The following GAS7 variants were observed in gnomAD, a reference collection of about 807,000 sequenced individuals.
GAS7 encodes the protein growth arrest specific 7, also known as growth arrest-specific protein 7.
A neutral mutation model predicts 71.1 loss-of-function variants in GAS7; 28 were observed. The observed-to-expected ratio is 0.39, with a 90% CI of 0.29 to 0.54. The LOEUF is 0.54. GAS7 is among the 20% of genes least tolerant of loss of function. The probability of loss-of-function intolerance (pLI) is 0.62; values close to 1 mark genes in which losing one functional copy is unlikely to be tolerated. For synonymous variants in GAS7, 258 were observed against 245.8 expected, an observed-to-expected ratio of 1.05 and a Z score of -0.46; for missense variants, 436 against 627.8, an observed-to-expected ratio of 0.69 and a Z score of 3.27.
chr17:10,103,551 C>T lies in GAS7; in HGVS notation c.184-83654G>A, dbSNP rs2073727286. Among the ~76,000 whole-genome samples, 1 of 152,024 alleles carries T rather than the reference C, an allele frequency of 6.6e-6. No individual in the cohort carries two copies. ...GAAAGATAGGAACAACCCGGCCAGG[C>T]GCGATGGCTCCCACCTGTAATCCCA... On this transcript the variant is annotated intron_variant, in intron 1 of 13. Coordinates refer to ENST00000432992, the MANE Select transcript of GAS7 (RefSeq NM_201433.2). This position sits in a 1 kb window ranked among gnomAD's most constrained non-coding sequence, Gnocchi z 5.5.
rs796602274 is a variant in GAS7 at position 10,046,836 on chromosome 17, GGAAGGAAGGAAA to G, written c.184-26951_184-26940del. ...AGGAAGGAAGGAAGGAAGGAAGGAA[GGAAGGAAGGAAA>G]GAAAAGAAAAGAAAAAAGAAAAGAA... On this transcript the variant is annotated intron_variant, in intron 1 of 13. Coordinates refer to ENST00000432992, the MANE Select transcript of GAS7 (RefSeq NM_201433.2). 1.3e-4 allele frequency among the ~76,000 whole-genome samples: 13 copies of G among 97,848 alleles called. 2 individuals carry two copies. Among genetic ancestry groups the G allele is most frequent in the African/African-American group, 6.5e-4 (11 of 16,850 alleles). 64.2% of individuals were successfully genotyped at this position (97,848 alleles called of 152,430 possible). A position where few individuals can be genotyped will look rare whatever the true frequency, so the allele number is the denominator to read the frequency against.
chr17:9,990,166 G>A (rs749930299), intron 2 of GAS7, among the ~76,000 whole-genome samples: 3 of 152,238 alleles, frequency 2.0e-5, no homozygotes, highest in African/African-American at 4.8e-5. Context: ...CTCCTGGGGA[G>A]GCTGAGGCAG....
chr17:9,998,678 AGAAAAG>A (rs368017485), intron 2 of GAS7, among the ~76,000 whole-genome samples: 161 of 149,944 alleles, frequency 1.1e-3, no homozygotes, highest in Admixed American at 2.2e-3. Flanking sequence ...ACAGAAAGAC[AGAAAAG>A]GAAAAGGAAA....
Position 9,919,533 on chromosome 17 carries a change from C to G in GAS7, c.1218+93G>C, listed in dbSNP as rs1354055893. 2.2e-6 allele frequency: 2 copies of G among 898,402 alleles called. No individual in the cohort carries two copies. Among genetic ancestry groups the G allele is most frequent in the Non-Finnish European group, 3.8e-6 (2 of 528,098 alleles). The allele number at this position is 898,402 out of a possible 1,614,324, so 55.7% of individuals were successfully genotyped here. A position where few individuals can be genotyped will look rare whatever the true frequency, so the allele number is the denominator to read the frequency against. On this transcript the variant is annotated intron_variant, in intron 12 of 13. Coordinates refer to ENST00000432992, the MANE Select transcript of GAS7 (RefSeq NM_201433.2). This position sits in a 1 kb window ranked among gnomAD's most constrained non-coding sequence, Gnocchi z 5.0. ...TTTGATGACCATCTCCAGGGTCACT[C>G]CACCCCATCATCCCCGCGCCCACCA...
intron 1 of GAS7, among the ~76,000 whole-genome samples, chr17:10,145,196 C>G (rs571766397): frequency 6.6e-6 from 1 of 152,204 alleles, no homozygotes; most frequent in African/African-American, 2.4e-5. Context: ...CCAGCAGCAC[C>G]GGGGCAGGTA....
intron 9 of GAS7, among the ~76,000 whole-genome samples, chr17:9,927,286 TACATACACACACACAC>T (rs1381824254): frequency 7.3e-5 from 5 of 68,736 alleles, no homozygotes; most frequent in Non-Finnish European, 1.3e-4. Flanking sequence ...CCATCTCTAC[TACATACACACACACAC>T]ACACACACAC....
intron 1 of GAS7, among the ~76,000 whole-genome samples, chr17:10,126,315 A>G (rs887407942): frequency 6.8e-6 from 1 of 146,384 alleles, no homozygotes; most frequent in Non-Finnish European, 1.5e-5. Context: ...GAATGTGTGC[A>G]TGCCACACAC....
chr17:10,128,629 CTCTT>C (rs2073970918), intron 1 of GAS7, among the ~76,000 whole-genome samples: 1 of 150,690 alleles, frequency 6.6e-6, no homozygotes, highest in Non-Finnish European at 1.5e-5. Context: ...TTTTTCTTTT[CTCTT>C]TTTTTTTTTT....
chr17:10,060,640 A>G (rs1225097208), intron 1 of GAS7, among the ~76,000 whole-genome samples: 1 of 152,194 alleles, frequency 6.6e-6, no homozygotes, highest in East Asian at 1.9e-4. Context: ...TCTAAATGTC[A>G]AAATCAAGTG....
chr17:9,922,644 C>A (rs1169391623), intron 11 of GAS7, among the ~76,000 whole-genome samples: 1 of 152,164 alleles, frequency 6.6e-6, no homozygotes, highest in African/African-American at 2.4e-5. Context: ...ACCGTATTAT[C>A]TGATGACAAT....
At chr17:9,929,782 A>T (rs1339067768) in intron 9 of GAS7, among the ~76,000 whole-genome samples, 1 of 151,884 alleles carries the variant, frequency 6.6e-6, no homozygotes. Context: ...CGACGATATT[A>T]AGTACTTTTA....
intron 1 of GAS7, among the ~76,000 whole-genome samples, chr17:10,051,292 C>T (rs549481519): frequency 1.3e-5 from 2 of 152,358 alleles, no homozygotes; most frequent in South Asian, 4.1e-4. Context: ...CGCTGAGTCA[C>T]TCATGTTGCC....
chr17:10,012,498 G>C (rs9900892), intron 2 of GAS7, among the ~76,000 whole-genome samples: 52,411 of 151,702 alleles, frequency 0.35, 11,533 homozygotes, highest in African/African-American at 0.64. Context: ...ATGGTCCCCA[G>C]GCTGGTCTTG....
chr17:10,157,972 C>T (rs184585731), intron 1 of GAS7, among the ~76,000 whole-genome samples: 45 of 152,270 alleles, frequency 3.0e-4, no homozygotes, highest in African/African-American at 1.1e-3. Context: ...CGTACCACTG[C>T]GCTCCAGCCT....
At chr17:10,064,310 G>A (rs918981688) in intron 1 of GAS7, among the ~76,000 whole-genome samples, 4 of 152,200 alleles carry the variant, frequency 2.6e-5, no homozygotes, top group African/African-American at 4.8e-5. Context: ...CAAGCACACC[G>A]TGGGGGTCTG....
At chr17:10,002,378 A>C (rs959179282) in intron 2 of GAS7, among the ~76,000 whole-genome samples, 1 of 151,614 alleles carries the variant, frequency 6.6e-6, no homozygotes, top group Admixed American at 6.6e-5. Context: ...CATATTGGAT[A>C]TAGGTCCACT....
chr17:9,946,882 G>C lies in GAS7; in HGVS notation c.615+12C>G. The C allele has an allele frequency of 3.2e-6, 5 of 1,586,282 alleles. No homozygotes were observed. The highest frequency in any genetic ancestry group is 4.3e-6 in the Non-Finnish European group (5 of 1,155,188). ...GGGGTCACGCTGTGGGGGAAACTGA[G>C]GCGCTGCTTACCCAGAAGTAGTCGC... On this transcript the variant is annotated intron_variant, in intron 6 of 13. Coordinates refer to ENST00000432992, the MANE Select transcript of GAS7 (RefSeq NM_201433.2).
At chr17:9,947,657 C>A (rs1217547636) in intron 5 of GAS7, among the ~76,000 whole-genome samples, 1 of 151,770 alleles carries the variant, frequency 6.6e-6, no homozygotes, top group Non-Finnish European at 1.5e-5. Flanking sequence ...GGGAGGAGAA[C>A]CACTTGGACC....
intron 2 of GAS7, among the ~76,000 whole-genome samples, chr17:10,007,138 T>C (rs1315409081): frequency 6.6e-6 from 1 of 152,220 alleles, no homozygotes; most frequent in African/African-American, 2.4e-5. Flanking sequence ...CAAATAAAAA[T>C]AGGTGGTGAC....
Sources: allele counts gnomAD v4.1 joint callset (sites outside exome capture counted in the v4.1 genomes callset), GRCh38; gene constraint gnomAD v4.1.1; non-coding constraint Gnocchi (gnomAD v3.1); transcripts MANE v1.5; gene names NCBI Gene and HGNC (gene_info 2026-07-23, HGNC 2026-07-21).